APBA2: variants seen among roughly 807,000 people sequenced by gnomAD.
APBA2 encodes amyloid-beta A4 precursor protein-binding family A member 2.
A neutral mutation model predicts 75.0 loss-of-function variants in APBA2; 30 were observed. The ratio of observed to expected loss-of-function variants is 0.40; its 90% CI spans 0.30 to 0.54. The LOEUF is 0.54. Among genes scored for constraint, APBA2 ranks in the 20% least tolerant of loss-of-function variants. APBA2 has a pLI of 0.49. For synonymous variants in APBA2, 444 were observed against 409.6 expected (o/e 1.08, Z -1.01); for missense variants, 801 against 1,016.1 (o/e 0.79, Z 2.88).
At chr15:29,002,322 G>A (rs576365564) in intron 3 of APBA2, among the ~76,000 whole-genome samples, 2 of 152,204 alleles carry the variant, frequency 1.3e-5, no homozygotes, top group Admixed American at 6.5e-5. Flanking sequence ...CTCCTGTATC[G>A]CAGCAGAGCA....
chr15:29,008,083 G>A (rs570853990), intron 3 of APBA2, among the ~76,000 whole-genome samples: 1 of 152,178 alleles, frequency 6.6e-6, no homozygotes, highest in Admixed American at 6.5e-5. Context: ...GCTATAACAT[G>A]GATGAACCTT....
intron 4 of APBA2, among the ~76,000 whole-genome samples, chr15:29,074,137 C>T (rs2042743842): frequency 6.6e-6 from 1 of 152,064 alleles, no homozygotes; most frequent in African/African-American, 2.4e-5. Context: ...GATTTCACCT[C>T]CAGGTATGTA....
chr15:28,912,340 T>A (rs1371158539), intron 1 of APBA2, among the ~76,000 whole-genome samples: 1 of 152,228 alleles, frequency 6.6e-6, no homozygotes, highest in Non-Finnish European at 1.5e-5. Flanking sequence ...CAAAGATCTA[T>A]CCTTTTGTGC....
At chr15:29,039,965 C>T (rs1186924174) in intron 3 of APBA2, among the ~76,000 whole-genome samples, 1 of 152,048 alleles carries the variant, frequency 6.6e-6, no homozygotes, top group Non-Finnish European at 1.5e-5. Context: ...GGTTTTTTTC[C>T]CTCCTTTGAT....
At chr15:29,115,034 G>C (rs1009504097) in intron 14 of APBA2, among the ~76,000 whole-genome samples, 3 of 151,918 alleles carry the variant, frequency 2.0e-5, no homozygotes, top group African/African-American at 4.8e-5. Context: ...GTGTGAAGGG[G>C]TGTTCAGCAC....
chr15:28,979,906 A>T (rs1033623647), intron 2 of APBA2, among the ~76,000 whole-genome samples: 7 of 152,218 alleles, frequency 4.6e-5, no homozygotes, highest in Non-Finnish European at 1.0e-4. Context: ...AGAGAAAAGC[A>T]AGCCAACACA....
Position 29,057,065 on chromosome 15 carries a change from A to G in APBA2, c.951+2230A>G, listed in dbSNP as rs1162585218. Among the ~76,000 whole-genome samples, 9 of 152,252 alleles carry G rather than the reference A, an allele frequency of 5.9e-5. No individual in the cohort carries two copies. The East Asian group carries it at 1.7e-3, about 30-fold the overall frequency. ...GCCTCAAGCAGGTGCACAGGGTGCC[A>G]TGTGTCCCATGCTCACCTCTCTGAT... On this transcript the variant is annotated intron_variant, in intron 4 of 14. Transcript: ENST00000683413.
chr15:29,014,127 G>T (rs2152819195), intron 3 of APBA2, among the ~76,000 whole-genome samples: 1 of 152,320 alleles, frequency 6.6e-6, no homozygotes, highest in Admixed American at 6.5e-5. Context: ...AATCCCCACA[G>T]ACTGACAGTT....
At chr15:28,959,574 A>T (rs1450798348) in intron 2 of APBA2, among the ~76,000 whole-genome samples, 1 of 130,072 alleles carries the variant, frequency 7.7e-6, no homozygotes, top group African/African-American at 4.3e-5. Flanking sequence ...TGACACCATA[A>T]TCTCGACTTC....
rs1165856960 is a variant in APBA2, at chr15:29,054,881, G to A, written c.951+46G>A. On this transcript the variant is annotated intron_variant, in intron 4 of 14. Coordinates refer to ENST00000683413, the MANE Select transcript of APBA2 (RefSeq NM_001353788.2). The surrounding 1 kb of genome is among the most constrained non-coding windows in gnomAD (Gnocchi z 6.1). Reference sequence around the variant, plus strand: ...GGGAAGGGAGCAGAGGGGCCCGAGAGCAAGGGACCTCAGGGTACAGGCCTT... The same window carrying A: ...GGGAAGGGAGCAGAGGGGCCCGAGAACAAGGGACCTCAGGGTACAGGCCTT... The A allele has an allele frequency of 4.5e-6, 7 of 1,552,852 alleles. No homozygotes were observed. Among genetic ancestry groups the A allele is most frequent in the Middle Eastern group, 1.8e-4 (1 of 5,546 alleles).
rs572187147 is a variant in APBA2 at position 28,908,247 on chromosome 15, G to A, written c.-204-13393G>A. Among the ~76,000 whole-genome samples the A allele has an allele frequency of 8.6e-5, 13 of 151,976 alleles. No individual in the cohort carries two copies. In the South Asian group the frequency reaches 1.5e-3, roughly 17 times the overall value. On this transcript the variant is annotated intron_variant, in intron 1 of 14. Coordinates refer to ENST00000683413, the MANE Select transcript of APBA2 (RefSeq NM_001353788.2). ...GCCTTGTCCTCCAATAGTAAGTCAC[G>A]CCCCTGTCACTCCCTGATGGAGCCA... is the stretch of plus-strand genomic sequence containing the variant.
intron 4 of APBA2, among the ~76,000 whole-genome samples, chr15:29,074,636 C>T (rs2042768497): frequency 1.3e-5 from 2 of 152,118 alleles, no homozygotes; most frequent in South Asian, 4.1e-4. Context: ...CTGAACTGTA[C>T]ACTTAAAAAT....
chr15:29,051,604 G>A lies in APBA2; in HGVS notation c.-40-2241G>A, dbSNP rs184150205. Among the ~76,000 whole-genome samples, 183 of 152,082 alleles carry A rather than the reference G, an allele frequency of 1.2e-3. 1 individual carries two copies. The highest frequency in any genetic ancestry group is 2.3e-3 in the Non-Finnish European group (159 of 68,014). On this transcript the variant is annotated intron_variant, in intron 3 of 14. Transcript: ENST00000683413. ...GGATGAAATAATTATCTCCTTCTTC[G>A]TTCTTTTGGGAATATTCATACTGCT...
chr15:29,089,427 G>A (rs1455970666), intron 6 of APBA2, among the ~76,000 whole-genome samples: 3 of 152,156 alleles, frequency 2.0e-5, no homozygotes, highest in African/African-American at 4.8e-5. Flanking sequence ...AGCGGGCCTT[G>A]TGGATGCACC....
At position 29,093,097 on chromosome 15, in the gene APBA2, A is replaced by G. The variant is rs1349814776; in HGVS notation, c.1092A>G (p.Glu364=). The G allele has an allele frequency of 5.0e-6, 8 of 1,614,240 alleles. No homozygotes were observed. The highest frequency in any genetic ancestry group is 5.9e-6 in the Non-Finnish European group (7 of 1,180,044). ...FVAVPGPCEP[E]DLIDGIIFAA... ...CAGTTCCAGGGCCCTGCGAACCAGA[A>G]GACCTCATCGACGGGATCATCTTTG... The change falls in exon 7 of 15, where the codon GAA becomes GAG. Residue 364 remains glutamate, a synonymous_variant. Coordinates refer to ENST00000683413, the MANE Select transcript of APBA2 (RefSeq NM_001353788.2).
intron 13 of APBA2, 50 bp downstream of exon 13, chr15:29,108,439 G>A (rs201721038): frequency 1.2e-6 from 2 of 1,613,086 alleles, no homozygotes; most frequent in Non-Finnish European, 1.7e-6. Flanking sequence ...CAGGGCCCAG[G>A]GAGGGGGAGC....
intron 2 of APBA2, among the ~76,000 whole-genome samples, chr15:28,965,361 T>A (rs144355204): frequency 6.6e-6 from 1 of 152,324 alleles, no homozygotes; most frequent in East Asian, 1.9e-4. Flanking sequence ...TATATCACAC[T>A]GTCTTGATTA....
chr15:29,091,769 A>G (rs10851431), intron 6 of APBA2, among the ~76,000 whole-genome samples: 28,440 of 152,028 alleles, frequency 0.19, 3,075 homozygotes, highest in African/African-American at 0.3. Context: ...TAGCAACAGA[A>G]TGGGTTAGAG....
chr15:29,085,899 A>G (rs554923663), intron 6 of APBA2, among the ~76,000 whole-genome samples: 2 of 152,094 alleles, frequency 1.3e-5, no homozygotes, highest in Non-Finnish European at 2.9e-5. Context: ...GTATATGTCT[A>G]TGTGGAAGGC....
Sources: allele counts gnomAD v4.1 joint callset (sites outside exome capture counted in the v4.1 genomes callset), GRCh38; gene constraint gnomAD v4.1.1; non-coding constraint Gnocchi (gnomAD v3.1); transcripts MANE v1.5; gene names NCBI Gene and HGNC (gene_info 2026-07-23, HGNC 2026-07-21).